Variants in GRIPAP1 observed in about 807,000 individuals in gnomAD.
GRIPAP1 encodes the protein GRIP1 associated protein 1, also known as GRIP1-associated protein 1.
GRIPAP1 carries 14 observed loss-of-function variants against 84.1 expected under a neutral mutation model. That is an observed-to-expected ratio of 0.17 (90% confidence interval 0.11 to 0.26). GRIPAP1 has a LOEUF of 0.26. Among genes scored for constraint, GRIPAP1 ranks in the 10% least tolerant of loss-of-function variants. The pLI is 1.00. For synonymous variants in GRIPAP1, 261 were observed against 256.8 expected (o/e 1.02, Z -0.15); for missense variants, 518 against 674.2 (o/e 0.77, Z 2.57).
intron 7 of GRIPAP1, 70 bp downstream of exon 7, chrX:48,990,856 G>A: frequency 9.7e-7 from 1 of 1,025,973 alleles, no homozygotes; most frequent in Non-Finnish European, 1.4e-6. Context: ...CCATCTCCGT[G>A]GGACTATAGA....
chrX:48,994,255 G>A (rs1211311369), intron 5 of GRIPAP1, among the ~76,000 whole-genome samples: 5 of 88,624 alleles, frequency 5.6e-5, no homozygotes, highest in African/African-American at 1.9e-4. Context: ...ATGGAGTCTC[G>A]CTCTGTCACC....
intron 22 of GRIPAP1, 142 bp from the exon 23 acceptor site, chrX:48,976,505 G>T: frequency 2.9e-6 from 2 of 693,843 alleles, no homozygotes; most frequent in South Asian, 2.9e-5. Context: ...GGCCCATCTT[G>T]GTACCCTCAG....
At position 48,997,980 on chromosome X, in the gene GRIPAP1, G is replaced by C. The variant is rs781844692; in HGVS notation, c.198+174C>G. On this transcript the variant is annotated intron_variant, in intron 4 of 25. Coordinates refer to ENST00000376423, the MANE Select transcript of GRIPAP1 (RefSeq NM_020137.5). Reference sequence around the variant, plus strand: ...AAAGAGAGAGAAGGAAAGAGACACAGAGTTAGGACAAATACAGGGAAACAA... The same window carrying C: ...AAAGAGAGAGAAGGAAAGAGACACACAGTTAGGACAAATACAGGGAAACAA... 11 of 491,029 alleles carry C rather than the reference G, an allele frequency of 2.2e-5. No individual in the cohort carries two copies. In the South Asian group the frequency reaches 3.0e-4, roughly 14 times the overall value. 40.5% of individuals were successfully genotyped at this position (491,029 alleles called of 1,213,427 possible). A position where few individuals can be genotyped will look rare whatever the true frequency, so the allele number is the denominator to read the frequency against.
chrX:48,974,346 G>A (rs2064411348), intron 25 of GRIPAP1, 61 bp from the exon 26 acceptor site: 5 of 708,087 alleles, frequency 7.1e-6, no homozygotes, highest in South Asian at 7.0e-5. Context: ...CTTGCCAAAC[G>A]TAGGGTATCA....
chrX:48,988,230 T>A, intron 11 of GRIPAP1, 32 bp from the exon 12 acceptor site: 2 of 1,038,794 alleles, frequency 1.9e-6, no homozygotes, highest in Non-Finnish European at 2.7e-6. Context: ...ATTTTACACC[T>A]CAGCCTCTCC....
intron 21 of GRIPAP1, chrX:48,980,925 G>A: frequency 3.0e-6 from 1 of 329,176 alleles, no homozygotes; most frequent in Non-Finnish European, 5.3e-6. Context: ...ACTAGAGAAA[G>A]AAAGCAAGGA....
In GRIPAP1 at chrX:48,999,520, G is replaced by A; in HGVS notation, c.43-16C>T. 5.2e-6 allele frequency: 6 copies of A among 1,164,347 alleles called. No homozygotes were observed. The highest frequency in any genetic ancestry group is 7.0e-6 in the Non-Finnish European group (6 of 853,313). ...GGAGCTGAGCCTTTGGGGGAGGCAGGAAGGGAAAAGACTTGGTCAGGAAAG... is the reference window on the plus strand; with the variant it reads ...GGAGCTGAGCCTTTGGGGGAGGCAGAAAGGGAAAAGACTTGGTCAGGAAAG... On this transcript the variant is annotated splice_polypyrimidine_tract_variant and intron_variant, in intron 1 of 25. Transcript: ENST00000376423.
chrX:48,991,804 C>T (rs1557065643), intron 6 of GRIPAP1, among the ~76,000 whole-genome samples: 2 of 110,023 alleles, frequency 1.8e-5, no homozygotes, highest in Non-Finnish European at 3.8e-5. Context: ...CGAGCCATTG[C>T]ACTCCAGCCT....
In GRIPAP1 at chrX:48,991,004, C is replaced by A. The variant is rs781892017; in HGVS notation, c.564G>T (p.Pro188=). The part of the protein sequence containing the change: ...GLAPTVLAPM[P]LAEVELKWEM... ...CCCATTTCAGCTCCACCTCTGCCAA[C>A]GGCATGGGGGCCAGGACGGTGGGGG... The change falls in exon 7 of 26, where the codon CCG becomes CCT. Residue 188 remains proline, a synonymous_variant. Coordinates refer to ENST00000376423, the MANE Select transcript of GRIPAP1 (RefSeq NM_020137.5). The A allele has an allele frequency of 1.4e-5, 17 of 1,185,230 alleles. No individual in the cohort carries two copies. Among genetic ancestry groups the A allele is most frequent in the Non-Finnish European group, 1.6e-5 (14 of 880,486 alleles).
Position 48,989,832 on chromosome X carries a change from T to A in GRIPAP1, c.770+3A>T. The A allele has an allele frequency of 8.3e-7, 1 of 1,207,717 alleles. No homozygotes were observed. The highest frequency in any genetic ancestry group is 1.1e-6 in the Non-Finnish European group (1 of 891,876). On this transcript the variant is annotated splice_donor_region_variant and intron_variant, in intron 10 of 25. Transcript: ENST00000376423. ...CACCAATACCCGCAAATCTGGCAGTTACCTGCTGTCATTAAACAGAGTCTC... is the reference window on the plus strand; with the variant it reads ...CACCAATACCCGCAAATCTGGCAGTAACCTGCTGTCATTAAACAGAGTCTC...
intron 14 of GRIPAP1, among the ~76,000 whole-genome samples, chrX:48,984,162 G>T (rs1883065365): frequency 9.0e-6 from 1 of 111,323 alleles, no homozygotes; most frequent in South Asian, 3.7e-4. Context: ...TGGAAGTGGT[G>T]AGTGTAATTT....
rs1402550066 is a variant in GRIPAP1 at position 48,990,130 on chromosome X, G to A, written c.691-127C>T. ...CCAGGATTTACTTATGTTGTCTTGT[G>A]GAATCCTCAAAATAGCCCTGACAAG... On this transcript the variant is annotated intron_variant, in intron 8 of 25. Coordinates refer to ENST00000376423, the MANE Select transcript of GRIPAP1 (RefSeq NM_020137.5). 2.6e-5 allele frequency: 14 copies of A among 542,872 alleles called. No homozygotes were observed. In the African/African-American group the frequency reaches 3.1e-4, roughly 12 times the overall value. The allele number at this position is 542,872 out of a possible 1,213,427, so 44.7% of individuals were successfully genotyped here. A position where few individuals can be genotyped will look rare whatever the true frequency, so the allele number is the denominator to read the frequency against.
chrX:48,990,423 C>CATGA (rs1489401722), intron 8 of GRIPAP1, among the ~76,000 whole-genome samples: 2 of 112,190 alleles, frequency 1.8e-5, no homozygotes, highest in East Asian at 2.8e-4. Flanking sequence ...TAAATGCTTG[C>CATGA]ATGAATGAAT....
intron 17 of GRIPAP1, among the ~76,000 whole-genome samples, chrX:48,982,627 C>A (rs1243960162): frequency 8.9e-6 from 1 of 112,711 alleles, no homozygotes; most frequent in Non-Finnish European, 1.9e-5. Flanking sequence ...CCGCCCACCT[C>A]GGCCTTCCAA....
chrX:48,994,000 G>A (rs1202009757), intron 5 of GRIPAP1, among the ~76,000 whole-genome samples: 1 of 109,932 alleles, frequency 9.1e-6, no homozygotes, highest in African/African-American at 3.3e-5. Flanking sequence ...GAGCTCGCAG[G>A]GCATTTCCAG....
At chrX:48,992,713 C>T (rs1482104041) in intron 6 of GRIPAP1, among the ~76,000 whole-genome samples, 3 of 112,075 alleles carry the variant, frequency 2.7e-5, no homozygotes, top group African/African-American at 9.7e-5. Context: ...CCACACACCA[C>T]ATGCTCCCAC....
intron 15 of GRIPAP1, 82 bp from the exon 16 acceptor site, chrX:48,983,522 C>T: frequency 2.5e-6 from 2 of 808,577 alleles, no homozygotes; most frequent in South Asian, 4.6e-5. Context: ...GCCCAAGGAA[C>T]TAGCCAAACT....
chrX:48,975,087 A>T, intron 25 of GRIPAP1, 68 bp downstream of exon 25: 1 of 1,092,695 alleles, frequency 9.2e-7, no homozygotes. Flanking sequence ...CAGATGACCC[A>T]GGGGCTATGT....
intron 21 of GRIPAP1, among the ~76,000 whole-genome samples, chrX:48,980,225 TTGTGTGTGTGTGTGTGTG>T (rs781796368): frequency 1.3e-4 from 12 of 90,549 alleles, no homozygotes; most frequent in African/African-American, 3.6e-4. Flanking sequence ...GCAACTAAAG[TTGTGTGTGTGTGTGTGTG>T]TGTGTGTGTG....
Sources: gnomAD v4.1 joint callset for allele counts (sites outside exome capture counted in the v4.1 genomes callset) on GRCh38, gnomAD v4.1.1 for gene constraint, MANE v1.5 for transcripts, NCBI Gene and HGNC (gene_info 2026-07-23, HGNC 2026-07-21) for gene names.